The following SETDB2 variants were observed in gnomAD, a reference collection of about 807,000 sequenced individuals.
SETDB2 encodes the protein histone-lysine N-methyltransferase SETDB2.
Under a neutral mutation model 82.5 loss-of-function variants are expected in SETDB2, and 56 were observed. The observed-to-expected ratio is 0.68, with a 90% CI of 0.55 to 0.85. The LOEUF is 0.85. Among genes scored for constraint, SETDB2 ranks in the 40% least tolerant of loss-of-function variants. The pLI is 0.00. For missense variants in SETDB2, 677 were observed against 816.4 expected (o/e 0.83, Z 2.08); for synonymous variants, 272 against 284.9 (o/e 0.95, Z 0.46).
chr13:49,448,093 A>G (rs1957726265), intron 1 of SETDB2, among the ~76,000 whole-genome samples: 1 of 152,022 alleles, frequency 6.6e-6, no homozygotes, highest in Non-Finnish European at 1.5e-5. Flanking sequence ...AAAATTATCT[A>G]TTCTTTGAAA....
rs148761249 is a variant in SETDB2 at position 49,476,608 on chromosome 13, C to A, written c.438C>A (p.Asn146Lys). 67 of 1,614,020 alleles carry A rather than the reference C, an allele frequency of 4.2e-5. No homozygotes were observed. Among genetic ancestry groups the A allele is most frequent in the Non-Finnish European group, 5.3e-5 (63 of 1,180,028 alleles). ...SGACLMKMPL[N>K]LKGENPLQLP... is the part of the protein sequence containing the mutation. ...CTTGTCTGATGAAAATGCCACTGAACTTGAAGGGAGAAAACCCTCTGCAGC... is the reference window on the plus strand; with the variant it reads ...CTTGTCTGATGAAAATGCCACTGAAATTGAAGGGAGAAAACCCTCTGCAGC... Residue 146 changes from asparagine (N) to lysine (K), a missense_variant, in exon 6 of 14, where the codon AAC (asparagine) becomes AAA (lysine). Around this residue, in one of 3 missense-constraint regions of SETDB2, gnomAD observed 243 missense variants for 237.2 expected, o/e 1.02. Coordinates refer to ENST00000611815, the MANE Select transcript of SETDB2 (RefSeq NM_001160308.3).
chr13:49,482,490 T>G, intron 8 of SETDB2: 1 of 302,974 alleles, frequency 3.3e-6, no homozygotes, highest in Non-Finnish European at 4.9e-6. Flanking sequence ...GCTAAATCTC[T>G]TCTCTTTTGT....
chr13:49,455,790 A>C (rs1177379829), intron 2 of SETDB2, among the ~76,000 whole-genome samples: 1 of 138,112 alleles, frequency 7.2e-6, no homozygotes, highest in African/African-American at 2.9e-5. Flanking sequence ...AAAAACAAAA[A>C]AAAACTAGAT....
chr13:49,481,246 A>C (rs1958470448), intron 8 of SETDB2, 130 bp downstream of exon 8: 8 of 755,738 alleles, frequency 1.1e-5, no homozygotes, highest in African/African-American at 1.7e-5. Context: ...GGAACATCAG[A>C]GAAAGGCAGG....
At chr13:49,455,120 T>C (rs530168750) in intron 2 of SETDB2, among the ~76,000 whole-genome samples, 1 of 152,306 alleles carries the variant, frequency 6.6e-6, no homozygotes, top group African/African-American at 2.4e-5. Flanking sequence ...GTTAGAAATA[T>C]CTTTAATAAC....
intron 5 of SETDB2, among the ~76,000 whole-genome samples, chr13:49,468,834 T>G (rs140338967): frequency 1.3e-5 from 2 of 152,120 alleles, no homozygotes; most frequent in East Asian, 1.9e-4. Context: ...AAGTTCACAC[T>G]TTAGCTCCTT....
intron 1 of SETDB2, among the ~76,000 whole-genome samples, chr13:49,447,226 G>T (rs757160776): frequency 3.3e-5 from 5 of 152,012 alleles, no homozygotes; most frequent in Non-Finnish European, 5.9e-5. Context: ...AAGTCTCTTT[G>T]GTGTGTATGG....
At chr13:49,480,101 C>A in intron 6 of SETDB2, 118 bp from the exon 7 acceptor site, 1 of 661,694 alleles carries the variant, frequency 1.5e-6, no homozygotes, top group Non-Finnish European at 2.6e-6. Context: ...GTTCATGAGC[C>A]AAACTATTCT....
chr13:49,460,655 A>T (rs528007090), intron 3 of SETDB2, among the ~76,000 whole-genome samples: 9 of 151,052 alleles, frequency 6.0e-5, no homozygotes, highest in African/African-American at 1.9e-4. Context: ...TATTTTTTCT[A>T]TTTGTTTGTT....
rs1193718809 is a variant in SETDB2 at position 49,493,978 on chromosome 13, T to G, written c.*2129T>G. 6.6e-6 allele frequency: 1 copy of G among 152,256 alleles called. No individual in the cohort carries two copies. Among genetic ancestry groups the G allele is most frequent in the Non-Finnish European group, 1.5e-5 (1 of 68,052 alleles). 9.4% of individuals were successfully genotyped at this position (152,256 alleles called of 1,614,324 possible). A position where few individuals can be genotyped will look rare whatever the true frequency, so the allele number is the denominator to read the frequency against. ...CTGGTGGGATCATTCCGTCTGAAACTAATGATTTCCCATCTCTTCACTGTT... is the reference window on the plus strand; with the variant it reads ...CTGGTGGGATCATTCCGTCTGAAACGAATGATTTCCCATCTCTTCACTGTT... On this transcript the variant is annotated 3_prime_UTR_variant, in exon 14 of 14. Transcript: ENST00000611815.
rs1034421492 is a variant in SETDB2, at chr13:49,485,821, C to T, written c.1576+98C>T. 2.9e-6 allele frequency: 3 copies of T among 1,039,580 alleles called. No homozygotes were observed. In the African/African-American group the frequency reaches 4.7e-5, roughly 16 times the overall value. The allele number at this position is 1,039,580 out of a possible 1,614,324, so 64.4% of individuals were successfully genotyped here. ...TCATTTTCTTAGATTCCATAATAAACATGCTGCATTTGTCAGAAAGGTTAC... is the reference window on the plus strand; with the variant it reads ...TCATTTTCTTAGATTCCATAATAAATATGCTGCATTTGTCAGAAAGGTTAC... On this transcript the variant is annotated intron_variant, in intron 11 of 13. Transcript: ENST00000611815.
At chr13:49,466,592 G>A (rs544699031) in intron 4 of SETDB2, among the ~76,000 whole-genome samples, 22 of 152,140 alleles carry the variant, frequency 1.4e-4, no homozygotes, top group African/African-American at 5.1e-4. Context: ...AATTTGGAAG[G>A]TCCTAAATTT....
intron 5 of SETDB2, among the ~76,000 whole-genome samples, chr13:49,474,478 G>A (rs376049475): frequency 6.6e-6 from 1 of 152,004 alleles, no homozygotes; most frequent in Non-Finnish European, 1.5e-5. Context: ...CCCACTTCTG[G>A]GAATATGTTC....
At chr13:49,477,877 C>T (rs1286037758) in intron 6 of SETDB2, among the ~76,000 whole-genome samples, 1 of 152,070 alleles carries the variant, frequency 6.6e-6, no homozygotes, top group East Asian at 1.9e-4. Context: ...CTAGTATTTT[C>T]TTAATCATAG....
chr13:49,469,343 C>T (rs1271260549), intron 5 of SETDB2, among the ~76,000 whole-genome samples: 1 of 152,196 alleles, frequency 6.6e-6, no homozygotes, highest in Non-Finnish European at 1.5e-5. Flanking sequence ...CTACACTTCT[C>T]ACTTACAAAG....
At chr13:49,465,314 C>T (rs1958082311) in intron 4 of SETDB2, among the ~76,000 whole-genome samples, 1 of 152,272 alleles carries the variant, frequency 6.6e-6, no homozygotes, top group Admixed American at 6.5e-5. Flanking sequence ...TTTCCCTTTC[C>T]TCTTTTTTCT....
chr13:49,482,418 C>A, intron 8 of SETDB2: 1 of 619,382 alleles, frequency 1.6e-6, no homozygotes, highest in Non-Finnish European at 2.0e-6. Flanking sequence ...AATTTTATGG[C>A]TAGAGTCATC....
rs753896624 is a variant in SETDB2 at position 49,488,408 on chromosome 13, G to A, written c.1695G>A (p.Ala565=). The change falls in exon 12 of 14, where the codon GCG becomes GCA. Residue 565 remains alanine (A), a synonymous_variant. Transcript: ENST00000611815. ...ETPPRSRCNQ[A]TTLDNQNIKK... is the part of the protein sequence containing the mutation. The stretch of plus-strand genomic sequence containing the variant: ...CACCAAGGAGCAGATGTAACCAGGC[G>A]ACCACATTGGATAATCAGAATATTA... 5 of 1,613,862 alleles carry A rather than the reference G, an allele frequency of 3.1e-6. No homozygotes were observed. The highest frequency in any genetic ancestry group is 1.6e-4 in the Middle Eastern group (1 of 6,084).
intron 11 of SETDB2, among the ~76,000 whole-genome samples, chr13:49,487,487 C>A (rs994128716): frequency 1.3e-5 from 2 of 152,122 alleles, no homozygotes; most frequent in African/African-American, 4.8e-5. Context: ...AGGCACACAC[C>A]CCCTTGTTGG....
Sources: allele counts gnomAD v4.1 joint callset (sites outside exome capture counted in the v4.1 genomes callset), GRCh38; gene constraint gnomAD v4.1.1; regional missense constraint gnomAD v4.1.1; transcripts MANE v1.5; gene names NCBI Gene and HGNC (gene_info 2026-07-23, HGNC 2026-07-21).